DMD: variants seen among roughly 807,000 people sequenced by gnomAD.
DMD encodes dystrophin.
A neutral mutation model predicts 330.1 loss-of-function variants in DMD; 63 were observed. That is an observed-to-expected ratio of 0.19 (90% CI 0.16 to 0.24). The LOEUF (loss-of-function observed/expected upper bound fraction) is 0.24, where lower values mean the gene tolerates loss of function less well. Ranked by LOEUF, DMD falls within the 10% of genes least tolerant of loss-of-function variation. The probability of loss-of-function intolerance (pLI) is 1.00; values close to 1 mark genes in which losing one functional copy is unlikely to be tolerated. For synonymous variants in DMD, 1,223 were observed against 959.8 expected (o/e 1.27, Z -5.07); for missense variants, 3,344 against 2,684.1 (o/e 1.25, Z -5.43).
At chrX:33,146,854 G>T (rs777386351) in intron 1 of DMD, among the ~76,000 whole-genome samples, 2 of 109,775 alleles carry the variant, frequency 1.8e-5, no homozygotes, top group East Asian at 5.7e-4. Context: ...GACGAGTCTT[G>T]CTCTGTCACC....
rs1242232337 is a variant in DMD at position 32,315,351 on chromosome X, G to A, written c.5923-5075C>T. ...AGTTGAACAATGAAAACATATGGCC[G>A]CAGGGGCCTGTTGGCGGGTGGGGGG... On this transcript the variant is annotated intron_variant, in intron 41 of 78. Transcript: ENST00000357033. 7.4e-5 allele frequency among the ~76,000 whole-genome samples: 8 copies of A among 108,683 alleles called. 1 individual carries two copies. Among genetic ancestry groups the A allele is most frequent in the East Asian group, 5.9e-4 (2 of 3,398 alleles). The allele number at this position is 108,683 out of a possible 115,157, so 94.4% of individuals were successfully genotyped here. A position where few individuals can be genotyped will look rare whatever the true frequency, so the allele number is the denominator to read the frequency against.
chrX:32,407,332 T>A (rs2098122019), intron 30 of DMD, among the ~76,000 whole-genome samples: 1 of 111,457 alleles, frequency 9.0e-6, no homozygotes, highest in East Asian at 2.8e-4. Context: ...AACAGACACT[T>A]CTCAAAAGAA....
At chrX:32,213,415 T>C (rs2097100581) in intron 44 of DMD, among the ~76,000 whole-genome samples, 1 of 112,577 alleles carries the variant, frequency 8.9e-6, no homozygotes, top group Non-Finnish European at 1.9e-5. Flanking sequence ...TTACGATAAT[T>C]ACTCAGAATG....
intron 18 of DMD, among the ~76,000 whole-genome samples, chrX:32,508,758 C>A (rs191708811): frequency 9.0e-6 from 1 of 111,645 alleles, no homozygotes; most frequent in Non-Finnish European, 1.9e-5. Context: ...GAAATATGTG[C>A]TCATTCTACT....
At chrX:32,868,645 T>C (rs766888824) in intron 2 of DMD, among the ~76,000 whole-genome samples, 4 of 112,562 alleles carry the variant, frequency 3.6e-5, no homozygotes, top group Non-Finnish European at 3.8e-5. Flanking sequence ...AATGGCCAGA[T>C]TGCCTCATTA....
At chrX:31,783,098 G>A (rs1230741670) in intron 50 of DMD, among the ~76,000 whole-genome samples, 4 of 111,590 alleles carry the variant, frequency 3.6e-5, no homozygotes, top group Non-Finnish European at 5.7e-5. Context: ...ACTGATATCA[G>A]AATAAAATCC....
At chrX:31,643,031 G>A (rs947194071) in intron 54 of DMD, among the ~76,000 whole-genome samples, 1 of 111,905 alleles carries the variant, frequency 8.9e-6, no homozygotes, top group Non-Finnish European at 1.9e-5. Context: ...AGAGTTGACT[G>A]TAGCTCTTTT....
At chrX:31,618,552 G>A (rs1272467555) in intron 55 of DMD, among the ~76,000 whole-genome samples, 1 of 112,083 alleles carries the variant, frequency 8.9e-6, no homozygotes, top group Admixed American at 9.5e-5. Flanking sequence ...TTAGATGAGT[G>A]ATTTGAAGCT....
intron 1 of DMD, among the ~76,000 whole-genome samples, chrX:33,069,291 T>TA (rs1203682394): frequency 1.8e-5 from 2 of 110,817 alleles, no homozygotes; most frequent in East Asian, 2.9e-4. Context: ...ATTTCTATCT[T>TA]AAAAAAATAC....
intron 62 of DMD, among the ~76,000 whole-genome samples, chrX:31,317,509 ATT>A (rs775949235): frequency 2.8e-3 from 241 of 84,875 alleles, no homozygotes; most frequent in Middle Eastern, 0.011. Flanking sequence ...AAATGAGGAA[ATT>A]TTTTTTTTTT....
chrX:31,657,511 G>A (rs2080855154), intron 54 of DMD, among the ~76,000 whole-genome samples: 1 of 111,649 alleles, frequency 9.0e-6, no homozygotes, highest in Admixed American at 9.5e-5. Context: ...CATATATAAT[G>A]GGAAATGAAG....
rs771122653 is a variant in DMD at position 32,163,329 on chromosome X, C to T, written c.6438+53587G>A. ...ATTTGAATTATTGCAATGACTCCCT[C>T]TGCTTCAATAGGTACTCTTACTCTC... On this transcript the variant is annotated intron_variant, in intron 44 of 78. Transcript: ENST00000357033. Among the ~76,000 whole-genome samples the T allele has an allele frequency of 4.4e-5, 5 of 112,400 alleles. No homozygotes were observed. The East Asian group carries it at 1.4e-3, about 31-fold the overall frequency.
In DMD at chrX:31,191,467, A is replaced by T. The variant is rs12688520; in HGVS notation, c.9808-8563T>A. 1.7e-3 allele frequency among the ~76,000 whole-genome samples: 190 copies of T among 111,480 alleles called. 2 individuals are homozygous for T. The highest frequency in any genetic ancestry group is 0.014 in the Admixed American group (152 of 10,544). ...GAATTATAACTCCCACAATTCCCACATGTCGTGGGAGGAGCCTGGTGGGAG... is the reference window on the plus strand; with the variant it reads ...GAATTATAACTCCCACAATTCCCACTTGTCGTGGGAGGAGCCTGGTGGGAG... On this transcript the variant is annotated intron_variant, in intron 67 of 78. Coordinates refer to ENST00000357033, the MANE Select transcript of DMD (RefSeq NM_004006.3).
intron 11 of DMD, among the ~76,000 whole-genome samples, chrX:32,625,586 A>T (rs1479519920): frequency 8.9e-6 from 1 of 111,968 alleles, no homozygotes; most frequent in Non-Finnish European, 1.9e-5. Context: ...TAAAATTTTC[A>T]TTTTCCATAT....
intron 44 of DMD, among the ~76,000 whole-genome samples, chrX:32,138,701 C>T (rs1273504674): frequency 9.0e-6 from 1 of 111,718 alleles, no homozygotes; most frequent in African/African-American, 3.3e-5. Flanking sequence ...CATATCTTGG[C>T]CATGAGGACT....
chrX:31,154,456 C>CTTT (rs373490488), intron 74 of DMD, among the ~76,000 whole-genome samples: 7 of 100,225 alleles, frequency 7.0e-5, no homozygotes, highest in African/African-American at 2.6e-4. Context: ...CCACGCCCGG[C>CTTT]TTTTTTTTTT....
chrX:32,260,783 G>C (rs1222474722), intron 43 of DMD, among the ~76,000 whole-genome samples: 2 of 93,025 alleles, frequency 2.1e-5, no homozygotes, highest in Non-Finnish European at 5.0e-5. Context: ...GATGGCTTCT[G>C]CTTCTTCGAA....
chrX:32,810,254 CA>C, intron 6 of DMD, among the ~76,000 whole-genome samples: 1 of 111,872 alleles, frequency 8.9e-6, no homozygotes. Flanking sequence ...ATCCAAGCAA[CA>C]AAAATTTATC....
intron 1 of DMD, among the ~76,000 whole-genome samples, chrX:33,233,745 G>A (rs2052428759): frequency 2.7e-5 from 3 of 111,336 alleles, no homozygotes; most frequent in Admixed American, 9.5e-5. Context: ...CGTGGTGGAC[G>A]CACTAATCTA....
Sources: allele counts gnomAD v4.1 joint callset (sites outside exome capture counted in the v4.1 genomes callset), GRCh38; gene constraint gnomAD v4.1.1; transcripts MANE v1.5; gene names NCBI Gene and HGNC (gene_info 2026-07-23, HGNC 2026-07-21).